MACROD2: variants seen among roughly 807,000 people sequenced by gnomAD.
MACROD2 encodes mono-ADP ribosylhydrolase 2.
MACROD2 carries 36 observed loss-of-function variants against 70.4 expected under a neutral mutation model. That is an observed-to-expected ratio of 0.51 (90% CI 0.39 to 0.68). The LOEUF (loss-of-function observed/expected upper bound fraction) is 0.68. MACROD2 is among the 30% of genes least tolerant of loss of function. The probability of loss-of-function intolerance (pLI) is 0.00; values close to 1 mark genes in which losing one functional copy is unlikely to be tolerated. For synonymous variants in MACROD2, 172 were observed against 178.8 expected, an observed-to-expected ratio of 0.96 and a Z score of 0.30; for missense variants, 496 against 538.4, an observed-to-expected ratio of 0.92 and a Z score of 0.78.
intron 4 of MACROD2, among the ~76,000 whole-genome samples, chr20:14,590,800 C>T (rs142399770): frequency 3.4e-4 from 51 of 152,188 alleles, no homozygotes; most frequent in African/African-American, 1.2e-3. Context: ...ACTGTCAGGT[C>T]ATTTCTTAAA....
At chr20:14,663,517 TATAC>T (rs1555812933) in intron 4 of MACROD2, among the ~76,000 whole-genome samples, 58 of 114,026 alleles carry the variant, frequency 5.1e-4, no homozygotes, top group South Asian at 1.6e-3. Context: ...AACAGGGATG[TATAC>T]ACACACACAC....
chr20:15,829,110 G>A (rs963399351), intron 8 of MACROD2, among the ~76,000 whole-genome samples: 6 of 144,606 alleles, frequency 4.1e-5, no homozygotes, highest in Admixed American at 1.4e-4. Context: ...GATTATTATC[G>A]GAAAAAAAAA....
At chr20:15,450,926 A>G (rs2046632325) in intron 7 of MACROD2, among the ~76,000 whole-genome samples, 1 of 152,092 alleles carries the variant, frequency 6.6e-6, no homozygotes, top group Admixed American at 6.6e-5. Context: ...CGTCCATCTC[A>G]CTCAGATTTG....
chr20:15,458,515 C>T (rs890717470), intron 7 of MACROD2, among the ~76,000 whole-genome samples: 1 of 151,142 alleles, frequency 6.6e-6, no homozygotes, highest in Non-Finnish European at 1.5e-5. Flanking sequence ...AGTTAAATAC[C>T]AACATTCTTA....
intron 5 of MACROD2, among the ~76,000 whole-genome samples, chr20:15,121,513 C>CAAAAAAAAAA (rs5840653): frequency 9.0e-5 from 11 of 122,012 alleles, no homozygotes; most frequent in East Asian, 2.3e-4. Context: ...AACTCTGCCT[C>CAAAAAAAAAA]AAAAAAAAAA....
chr20:15,644,184 G>T (rs555537510), intron 8 of MACROD2, among the ~76,000 whole-genome samples: 1 of 152,228 alleles, frequency 6.6e-6, no homozygotes, highest in East Asian at 1.9e-4. Context: ...GAGAGAAAGT[G>T]ACTCTGGCAA....
chr20:14,909,132 G>A lies in MACROD2; in HGVS notation c.418+224173G>A, dbSNP rs917048990. Reference sequence around the variant, plus strand: ...TTAGTGGTGAAAGAGCGTAAATTAAGAAGAGTTAGAGGCATCAGACTGGAA... The same window carrying A: ...TTAGTGGTGAAAGAGCGTAAATTAAAAAGAGTTAGAGGCATCAGACTGGAA... On this transcript the variant is annotated intron_variant, in intron 5 of 17. Transcript: ENST00000684519. 2.0e-5 allele frequency among the ~76,000 whole-genome samples: 3 copies of A among 152,258 alleles called. No individual in the cohort carries two copies. In the East Asian group the frequency reaches 5.8e-4, roughly 30 times the overall value.
intron 5 of MACROD2, among the ~76,000 whole-genome samples, chr20:15,144,148 G>A (rs2076213527): frequency 6.6e-6 from 1 of 151,930 alleles, no homozygotes; most frequent in Admixed American, 6.6e-5. Context: ...TTTTAATATA[G>A]AGACATCATG....
chr20:15,069,389 C>G (rs2075601825), intron 5 of MACROD2, among the ~76,000 whole-genome samples: 1 of 152,200 alleles, frequency 6.6e-6, no homozygotes, highest in Non-Finnish European at 1.5e-5. Flanking sequence ...GGCTTCAGAG[C>G]AACCACTTGC....
intron 3 of MACROD2, among the ~76,000 whole-genome samples, chr20:14,197,990 G>T (rs1044020420): frequency 1.3e-4 from 20 of 152,136 alleles, no homozygotes; most frequent in African/African-American, 4.8e-4. Context: ...TATGTAAAAT[G>T]AGCTTAATTA....
rs555098709 is a variant in MACROD2, at chr20:14,720,834, A to G, written c.418+35875A>G. Among the ~76,000 whole-genome samples, 58 of 152,082 alleles carry G rather than the reference A, an allele frequency of 3.8e-4. 1 individual carries two copies. Among genetic ancestry groups the G allele is most frequent in the African/African-American group, 1.3e-3 (56 of 41,488 alleles). ...CGCAATGTGCTGGGATTACAGGCAG[A>G]AGCCACTGCTCCCGCCCACAAAACT... On this transcript the variant is annotated intron_variant, in intron 5 of 17. Coordinates refer to ENST00000684519, the MANE Select transcript of MACROD2 (RefSeq NM_001351661.2).
chr20:15,700,326 C>T (rs1366110477), intron 8 of MACROD2, among the ~76,000 whole-genome samples: 1 of 152,146 alleles, frequency 6.6e-6, no homozygotes, highest in African/African-American at 2.4e-5. Context: ...ATCCGGAGTC[C>T]CCGATGTGAG....
intron 5 of MACROD2, among the ~76,000 whole-genome samples, chr20:15,227,823 G>GT (rs59129207): frequency 0.31 from 14,025 of 45,756 alleles, 4,575 homozygotes; most frequent in East Asian, 0.65. Flanking sequence ...AATTTCACCT[G>GT]TTTTTTTTTT....
intron 3 of MACROD2, among the ~76,000 whole-genome samples, chr20:14,313,397 T>G (rs1015117772): frequency 6.6e-6 from 1 of 151,802 alleles, no homozygotes; most frequent in African/African-American, 2.4e-5. Flanking sequence ...CACACAATTA[T>G]TAAAGATTTA....
At position 15,962,544 on chromosome 20, in the gene MACROD2, G is replaced by T. The variant is rs549613586; in HGVS notation, c.908-5009G>T. On this transcript the variant is annotated intron_variant, in intron 12 of 17. Coordinates refer to ENST00000684519, the MANE Select transcript of MACROD2 (RefSeq NM_001351661.2). Reference sequence around the variant, plus strand: ...CACACCAGTTTATTGTTTGAAATTTGTGTTTTCTAATAGAAATCAAATTAA... The same window carrying T: ...CACACCAGTTTATTGTTTGAAATTTTTGTTTTCTAATAGAAATCAAATTAA... Among the ~76,000 whole-genome samples, 214 of 152,264 alleles carry T rather than the reference G, an allele frequency of 1.4e-3. 1 individual carries two copies. Among genetic ancestry groups the T allele is most frequent in the African/African-American group, 4.9e-3 (205 of 41,548 alleles).
chr20:15,665,719 G>T (rs1472118455), intron 8 of MACROD2, among the ~76,000 whole-genome samples: 1 of 152,194 alleles, frequency 6.6e-6, no homozygotes, highest in East Asian at 1.9e-4. Flanking sequence ...CATACTTGAA[G>T]CTTGAAGTGT....
At chr20:14,745,117 G>T (rs928543234) in intron 5 of MACROD2, among the ~76,000 whole-genome samples, 1 of 152,062 alleles carries the variant, frequency 6.6e-6, no homozygotes, top group African/African-American at 2.4e-5. Context: ...AGGGAGGTGG[G>T]CTAGAAATTG....
intron 8 of MACROD2, among the ~76,000 whole-genome samples, chr20:15,593,897 C>T (rs1189021365): frequency 2.6e-5 from 4 of 152,172 alleles, no homozygotes; most frequent in African/African-American, 7.2e-5. Context: ...CTTATTGATG[C>T]TGTGTATGGC....
At chr20:15,782,880 CAG>C (rs1315770705) in intron 8 of MACROD2, among the ~76,000 whole-genome samples, 2 of 152,016 alleles carry the variant, frequency 1.3e-5, no homozygotes, top group East Asian at 1.9e-4. Flanking sequence ...CTATCTCACA[CAG>C]AGTCTTTCCT....
Sources: allele counts gnomAD v4.1 joint callset (sites outside exome capture counted in the v4.1 genomes callset), GRCh38; gene constraint gnomAD v4.1.1; transcripts MANE v1.5; gene names NCBI Gene and HGNC (gene_info 2026-07-23, HGNC 2026-07-21).